Variants in ITGB4 observed in about 807,000 individuals in gnomAD.
ITGB4 encodes integrin beta-4.
Under a neutral mutation model 207.6 loss-of-function variants are expected in ITGB4, and 159 were observed. That is an observed-to-expected ratio of 0.77 (90% CI 0.67 to 0.87). ITGB4 has a LOEUF of 0.87. Among genes scored for constraint, ITGB4 ranks in the 40% least tolerant of loss-of-function variants. The probability of loss-of-function intolerance (pLI) is 0.00; values close to 1 mark genes in which losing one functional copy is unlikely to be tolerated. For missense variants in ITGB4, 2,278 were observed against 2,546.8 expected, an observed-to-expected ratio of 0.89 and a Z score of 2.27; for synonymous variants, 1,020 against 1,062.7, an observed-to-expected ratio of 0.96 and a Z score of 0.78.
chr17:75,736,434 A>G, intron 15 of ITGB4, 48 bp downstream of exon 15: 1 of 1,609,650 alleles, frequency 6.2e-7, no homozygotes, highest in Non-Finnish European at 8.5e-7. Context: ...GGGCAGGCAC[A>G]GGGCAGTGTG....
intron 1 of ITGB4, among the ~76,000 whole-genome samples, chr17:75,723,673 C>T (rs756164011): frequency 4.6e-5 from 7 of 152,244 alleles, no homozygotes; most frequent in Admixed American, 2.6e-4. Context: ...TCCAGCACCT[C>T]GGGGACCCCA....
At position 75,742,408 on chromosome 17, in the gene ITGB4, C is replaced by A. The variant is rs145644205; in HGVS notation, c.2701C>A (p.Leu901Ile). ...PRSAKPALLK[L>I]TEKQVEQRAF... is the part of the protein sequence containing the mutation. ...CTCGGCCAAGCCGGCCCTGCTGAAG[C>A]TTACAGAGAAGCAGGTGGAACAGAG... Residue 901 changes from leucine (L) to isoleucine (I), a missense_variant, in exon 24 of 40, where the codon CTT becomes ATT. Coordinates refer to ENST00000200181, the MANE Select transcript of ITGB4 (RefSeq NM_000213.5). This position sits in a 1 kb window ranked among gnomAD's most constrained non-coding sequence, Gnocchi z 5.9. 2.5e-6 allele frequency: 4 copies of A among 1,613,428 alleles called. No individual in the cohort carries two copies. The highest frequency in any genetic ancestry group is 3.4e-6 in the Non-Finnish European group (4 of 1,179,962).
At chr17:75,753,651 A>C in intron 32 of ITGB4, 114 bp from the exon 33 acceptor site, 133 of 593,520 alleles carry the variant, frequency 2.2e-4, no homozygotes, top group South Asian at 2.9e-4. Flanking sequence ...ACACCCCGGG[A>C]TCCCGGGAGC....
rs1568345718 is a variant in ITGB4 at position 75,729,003 on chromosome 17, A to AG, written c.567-262_567-261insG. ...TGTCTCAACAAAAAAAAAAAAAAAA[A>AG]AAAAATTAGCCAGGTGTGGTGGTGG... On this transcript the variant is annotated intron_variant, in intron 6 of 39. Coordinates refer to ENST00000200181, the MANE Select transcript of ITGB4 (RefSeq NM_000213.5). The surrounding 1 kb of genome is among the most constrained non-coding windows in gnomAD (Gnocchi z 4.4). Among the ~76,000 whole-genome samples, 1 of 150,954 alleles carries AG rather than the reference A, an allele frequency of 6.6e-6. No homozygotes were observed. Among genetic ancestry groups the AG allele is most frequent in the East Asian group, 1.9e-4 (1 of 5,168 alleles).
At chr17:75,734,140 T>G (rs1227522501) in intron 13 of ITGB4, among the ~76,000 whole-genome samples, 11 of 142,682 alleles carry the variant, frequency 7.7e-5, no homozygotes, top group Admixed American at 1.4e-4. Flanking sequence ...TTTTTTTTTT[T>G]TTTTTTTTTT....
intron 12 of ITGB4, 96 bp from the exon 13 acceptor site, chr17:75,733,394 A>AT (rs1352677458): frequency 3.0e-5 from 33 of 1,083,420 alleles, no homozygotes; most frequent in African/African-American, 4.8e-5. Context: ...TCAAAAAAAA[A>AT]AATAAAATAA....
chr17:75,743,862 G>A lies in ITGB4; in HGVS notation c.3111+1G>A. On this transcript the variant is annotated splice_donor_variant, in intron 26 of 39. Coordinates refer to ENST00000200181, the MANE Select transcript of ITGB4 (RefSeq NM_000213.5). LOFTEE classifies it high-confidence loss of function. Reference sequence around the variant, plus strand: ...GGATGGCACCGCGCAGGGCAACCGGGTGAGGCTGCGCCACAGGGTCGAGGG... The same window carrying A: ...GGATGGCACCGCGCAGGGCAACCGGATGAGGCTGCGCCACAGGGTCGAGGG... The A allele has an allele frequency of 6.3e-7, 1 of 1,578,730 alleles. No homozygotes were observed.
Position 75,733,599 on chromosome 17 carries a change from C to G in ITGB4, c.1564C>G (p.His522Asp). The change falls in exon 13 of 40, where the codon CAC becomes GAC. Residue 522 changes from histidine (H) to aspartate (D), a missense_variant. Transcript: ENST00000200181. ...CGGCCGTGGGGAGTGCCAGTGCGGG[C>G]ACTGTGTGTGCTACGGCGAAGGCCG... ...CSGRGECQCG[H>D]CVCYGEGRYE... The G allele has an allele frequency of 6.2e-7, 1 of 1,614,132 alleles. No individual in the cohort carries two copies. Among genetic ancestry groups the G allele is most frequent in the Non-Finnish European group, 8.5e-7 (1 of 1,180,030 alleles).
At position 75,737,631 on chromosome 17, in the gene ITGB4, G is replaced by T. The variant is rs143203816; in HGVS notation, c.2207G>T (p.Cys736Phe). 1.9e-3 allele frequency: 3,091 copies of T among 1,613,082 alleles called. 72 individuals are homozygous for T. The Admixed American group carries it at 0.042, about 22-fold the overall frequency. ...ALLLLLCWKY[C>F]ACCKACLALL... ...CTACTGCTGCTATGCTGGAAGTACT[G>T]TGCCTGCTGCAAGGTGAGCACCCAG... Residue 736 changes from cysteine to phenylalanine, a missense_variant, in exon 18 of 40, where the codon TGT becomes TTT. Cys to Phe is a radical substitution (Grantham distance 205). Transcript: ENST00000200181.
rs191843456 is a variant in ITGB4 at position 75,741,244 on chromosome 17, C to G, written c.2633+239C>G. ...GCAGGCAAAAGCAAATCAACCCAGT[C>G]CCTGCCCTCATATAGGTGACTGTCC... On this transcript the variant is annotated intron_variant, in intron 23 of 39. Transcript: ENST00000200181. 2.1e-5 allele frequency: 13 copies of G among 619,560 alleles called. No individual in the cohort carries two copies. The African/African-American group carries it at 2.4e-4, about 11-fold the overall frequency. The allele number at this position is 619,560 out of a possible 1,614,324, so 38.4% of individuals were successfully genotyped here.
In ITGB4 at chr17:75,757,456, C is replaced by CACA; in HGVS notation, c.5370_5371insACA (p.Gly1790_Ser1791insThr). 2 of 1,612,182 alleles carry CACA rather than the reference C, an allele frequency of 1.2e-6. No homozygotes were observed. Among genetic ancestry groups the CACA allele is most frequent in the Non-Finnish European group, 1.7e-6 (2 of 1,179,898 alleles). On this transcript the variant is annotated inframe_insertion, in exon 40 of 40. Transcript: ENST00000200181. ...GGGCCCAGCACCTGGAGGCAGGCGG[C>CACA]TCCCTCACCCGGCATGTGACCCAGG...
chr17:75,736,975 C>T (rs555041475), intron 16 of ITGB4, among the ~76,000 whole-genome samples: 1 of 152,130 alleles, frequency 6.6e-6, no homozygotes, highest in Non-Finnish European at 1.5e-5. Context: ...CTGACTTGGG[C>T]AGGGGCATGC....
At chr17:75,736,537 C>A in intron 15 of ITGB4, 28 bp from the exon 16 acceptor site, 2 of 1,585,804 alleles carry the variant, frequency 1.3e-6, no homozygotes, top group Non-Finnish European at 1.7e-6. Flanking sequence ...CAACACAGTG[C>A]CTGTCTGCCC....
rs1272187877 is a variant in ITGB4 at position 75,721,485 on chromosome 17, A to T, written c.-138A>T. Reference sequence around the variant, plus strand: ...CCCCAACCCCCGCGCCCGCCCTCGGACAGTCCCTGCTCGCCCGCGCGCTGC... The same window carrying T: ...CCCCAACCCCCGCGCCCGCCCTCGGTCAGTCCCTGCTCGCCCGCGCGCTGC... On this transcript the variant is annotated 5_prime_UTR_variant, in exon 1 of 40. Coordinates refer to ENST00000200181, the MANE Select transcript of ITGB4 (RefSeq NM_000213.5). 8.2e-6 allele frequency: 1 copy of T among 122,502 alleles called. No homozygotes were observed. Among genetic ancestry groups the T allele is most frequent in the East Asian group, 2.9e-4 (1 of 3,396 alleles). The allele number at this position is 122,502 out of a possible 1,614,324, so 7.6% of individuals were successfully genotyped here.
In ITGB4 at chr17:75,722,177, T is replaced by G. The variant is rs369882149; in HGVS notation, c.-11+565T>G. Among the ~76,000 whole-genome samples the G allele has an allele frequency of 6.6e-6, 1 of 152,136 alleles. No individual in the cohort carries two copies. The highest frequency in any genetic ancestry group is 1.9e-4 in the East Asian group (1 of 5,196). ...TTGGCCAAGCACAGGCCTGCCTTCC[T>G]CCCAAAGTCAGCCCCAGGCGCCTTC... is the stretch of plus-strand genomic sequence containing the variant. On this transcript the variant is annotated intron_variant, in intron 1 of 39. Coordinates refer to ENST00000200181, the MANE Select transcript of ITGB4 (RefSeq NM_000213.5). This position sits in a 1 kb window ranked among gnomAD's most constrained non-coding sequence, Gnocchi z 6.2.
intron 26 of ITGB4, among the ~76,000 whole-genome samples, chr17:75,744,544 T>G (rs2061193196): frequency 6.6e-6 from 1 of 152,260 alleles, no homozygotes; most frequent in East Asian, 1.9e-4. Context: ...TATGCCCCAG[T>G]CCAGGGGGCT....
At chr17:75,741,243 T>G in intron 23 of ITGB4, 1 of 617,470 alleles carries the variant, frequency 1.6e-6, no homozygotes, top group Non-Finnish European at 2.9e-6. Flanking sequence ...ATCAACCCAG[T>G]CCCTGCCCTC....
At chr17:75,741,258 AG>A (rs932869142) in intron 23 of ITGB4, among the ~76,000 whole-genome samples, 9 of 152,168 alleles carry the variant, frequency 5.9e-5, no homozygotes, top group Non-Finnish European at 1.2e-4. Flanking sequence ...GCCCTCATAT[AG>A]GTGACTGTCC....
At position 75,733,618 on chromosome 17, in the gene ITGB4, A is replaced by G; in HGVS notation, c.1583A>G (p.Glu528Gly). The G allele has an allele frequency of 1.2e-6, 2 of 1,614,180 alleles. No individual in the cohort carries two copies. Residue 528 changes from glutamate to glycine, a missense_variant, in exon 13 of 40, where the codon GAA becomes GGA. Coordinates refer to ENST00000200181, the MANE Select transcript of ITGB4 (RefSeq NM_000213.5). ...TGCGGGCACTGTGTGTGCTACGGCG[A>G]AGGCCGCTACGAGGGTCAGTTCTGC... ...CQCGHCVCYG[E>G]GRYEGQFCEY...
Sources: gnomAD v4.1 joint callset for allele counts (sites outside exome capture counted in the v4.1 genomes callset) on GRCh38, gnomAD v4.1.1 for gene constraint, Gnocchi (gnomAD v3.1) non-coding constraint, MANE v1.5 for transcripts, NCBI Gene and HGNC (gene_info 2026-07-23, HGNC 2026-07-21) for gene names.